The following WRAP73 variants were observed in gnomAD, a reference collection of about 807,000 sequenced individuals.
WRAP73 encodes the protein WD repeat-containing protein WRAP73.
Under a neutral mutation model 59.6 loss-of-function variants are expected in WRAP73, and 55 were observed. The ratio of observed to expected loss-of-function variants is 0.92; its 90% CI spans 0.74 to 1.15. The LOEUF (loss-of-function observed/expected upper bound fraction) is 1.15. WRAP73 is among the 50% of genes most tolerant of loss of function. The probability of loss-of-function intolerance (pLI) is 0.00; values close to 1 mark genes in which losing one functional copy is unlikely to be tolerated. For synonymous variants in WRAP73, 265 were observed against 258.2 expected (o/e 1.03, Z -0.25); for missense variants, 592 against 608.1 (o/e 0.97, Z 0.28).
chr1:3,635,109 C>A (rs781666452), intron 7 of WRAP73, 35 bp from the exon 8 acceptor site: 1 of 1,614,132 alleles, frequency 6.2e-7, no homozygotes, highest in South Asian at 1.1e-5. Context: ...TGAGGCAGGG[C>A]CCGGCCCGCT....
intron 11 of WRAP73, 155 bp downstream of exon 11, chr1:3,631,311 C>CTG (rs1491267532): frequency 1.5e-6 from 2 of 1,299,948 alleles, no homozygotes; most frequent in East Asian, 5.1e-5. Context: ...AGCGGGTCCC[C>CTG]TGTGTGTCCG....
chr1:3,632,106 T>C, intron 10 of WRAP73, 107 bp downstream of exon 10: 2 of 1,508,558 alleles, frequency 1.3e-6, no homozygotes, highest in Non-Finnish European at 1.8e-6. Flanking sequence ...TGAAAGGAGG[T>C]GACGTGTCGG....
At chr1:3,647,048 A>T (rs1389696854) in intron 2 of WRAP73, among the ~76,000 whole-genome samples, 4 of 152,128 alleles carry the variant, frequency 2.6e-5, no homozygotes, top group African/African-American at 9.7e-5. Flanking sequence ...TGGTGATTTC[A>T]TTTCGTTGTT....
chr1:3,640,824 G>A (rs927556791), intron 3 of WRAP73, among the ~76,000 whole-genome samples: 1 of 152,216 alleles, frequency 6.6e-6, no homozygotes, highest in African/African-American at 2.4e-5. Flanking sequence ...GCCACCCAGG[G>A]CAGAGACCTG....
chr1:3,634,938 A>T (rs1644574942), intron 8 of WRAP73, 59 bp downstream of exon 8: 5 of 1,576,308 alleles, frequency 3.2e-6, no homozygotes, highest in Non-Finnish European at 4.4e-6. Flanking sequence ...GTGAAGGAGC[A>T]GTTTCCCACC....
intron 10 of WRAP73, 34 bp downstream of exon 10, chr1:3,632,179 A>G (rs776339918): frequency 1.3e-6 from 2 of 1,594,472 alleles, no homozygotes; most frequent in Non-Finnish European, 1.7e-6. Context: ...GACACAGTAA[A>G]GGGTGAGACA....
chr1:3,645,783 T>G (rs966052268), intron 3 of WRAP73, among the ~76,000 whole-genome samples: 2 of 152,214 alleles, frequency 1.3e-5, no homozygotes, highest in African/African-American at 4.8e-5. Flanking sequence ...TGATTTATTC[T>G]CGGATGTCAA....
At chr1:3,631,367 C>G in intron 11 of WRAP73, 99 bp downstream of exon 11, 1 of 1,456,878 alleles carries the variant, frequency 6.9e-7, no homozygotes. Flanking sequence ...CCCTGGAGTG[C>G]TGCCGGAGAC....
In WRAP73 at chr1:3,646,613, G is replaced by A; in HGVS notation, c.339+53C>T. ...CTCTCGCACTCCCCAGCTGTTTCGA[G>A]AGCAGAGGACAGGATCACATGGCCA... On this transcript the variant is annotated intron_variant, in intron 3 of 11. Coordinates refer to ENST00000270708, the MANE Select transcript of WRAP73 (RefSeq NM_017818.4). The surrounding 1 kb of genome is among the most constrained non-coding windows in gnomAD (Gnocchi z 5.1). 2 of 1,477,310 alleles carry A rather than the reference G, an allele frequency of 1.4e-6. No homozygotes were observed. The highest frequency in any genetic ancestry group is 1.9e-6 in the Non-Finnish European group (2 of 1,076,454). The allele number at this position is 1,477,310 out of a possible 1,614,324, so 91.5% of individuals were successfully genotyped here. A position where few individuals can be genotyped will look rare whatever the true frequency, so the allele number is the denominator to read the frequency against.
intron 3 of WRAP73, among the ~76,000 whole-genome samples, chr1:3,642,359 T>G (rs1020557833): frequency 6.6e-6 from 1 of 152,146 alleles, no homozygotes; most frequent in African/African-American, 2.4e-5. Context: ...GGACCAACAG[T>G]GGACTGGAAT....
rs1194269622 is a variant in WRAP73, at chr1:3,631,608, C to G, written c.1098G>C (p.Leu366=). The change falls in exon 11 of 12, where the codon CTG becomes CTC. Residue 366 remains leucine (L), a synonymous_variant. Coordinates refer to ENST00000270708, the MANE Select transcript of WRAP73 (RefSeq NM_017818.4). ...VWVWDIQKLR[L]FAVLEQLSPV... ...GGGACAGCTGCTCGAGCACCGCGAACAGCCTCAGCTTCTGAATGTCCCAGA... is the reference window on the plus strand; with the variant it reads ...GGGACAGCTGCTCGAGCACCGCGAAGAGCCTCAGCTTCTGAATGTCCCAGA... 1 of 1,605,164 alleles carries G rather than the reference C, an allele frequency of 6.2e-7. No homozygotes were observed.
chr1:3,647,309 C>A, intron 2 of WRAP73, 99 bp downstream of exon 2: 1 of 1,312,752 alleles, frequency 7.6e-7, no homozygotes, highest in Non-Finnish European at 1.0e-6. Context: ...TTGAGCTGCA[C>A]GGACTTTTTT....
intron 3 of WRAP73, among the ~76,000 whole-genome samples, chr1:3,642,591 G>C (rs558909137): frequency 6.6e-6 from 1 of 152,186 alleles, no homozygotes; most frequent in Admixed American, 6.5e-5. Context: ...TACAAAATTA[G>C]CCAGGCGTGG....
In WRAP73 at chr1:3,631,015, A is replaced by T; in HGVS notation, c.1343T>A (p.Val448Glu). 1.9e-6 allele frequency: 3 copies of T among 1,612,424 alleles called. No individual in the cohort carries two copies. The highest frequency in any genetic ancestry group is 1.7e-6 in the Non-Finnish European group (2 of 1,179,588). Residue 448 changes from valine (V) to glutamate (E), a missense_variant, in exon 12 of 12, where the codon GTG (valine) becomes GAG (glutamate). Coordinates refer to ENST00000270708, the MANE Select transcript of WRAP73 (RefSeq NM_017818.4). ...FCLCFLETEA[V>E]VGTACRQLGG... is the part of the protein sequence containing the mutation. The stretch of plus-strand genomic sequence containing the variant: ...CAGCTGTCTGCAGGCTGTGCCGACC[A>T]CTGCCTCTGTCTCCAGGAAGCAGAG...
intron 3 of WRAP73, among the ~76,000 whole-genome samples, chr1:3,644,901 C>G (rs1428037735): frequency 6.6e-6 from 1 of 152,186 alleles, no homozygotes; most frequent in Non-Finnish European, 1.5e-5. Flanking sequence ...ATGACATGAG[C>G]CCTTCTCAAG....
At position 3,635,013 on chromosome 1, in the gene WRAP73, A is replaced by C; in HGVS notation, c.800T>G (p.Ile267Ser). Residue 267 changes from isoleucine to serine, a missense_variant, in exon 8 of 12, where the codon ATT (isoleucine) becomes AGT (serine). By Grantham distance (142) the Ile-to-Ser change is moderately radical. Coordinates refer to ENST00000270708, the MANE Select transcript of WRAP73 (RefSeq NM_017818.4). ...CAGACTTACTATCTTGGGATCATTAATGGCTGCAGGATGCCCAAACTCCGT... is the reference window on the plus strand; with the variant it reads ...CAGACTTACTATCTTGGGATCATTACTGGCTGCAGGATGCCCAAACTCCGT... Reference protein sequence around the residue: ...MITEFGHPAAINDPKIVVYKE... With the variant: ...MITEFGHPAASNDPKIVVYKE... 1 of 1,614,228 alleles carries C rather than the reference A, an allele frequency of 6.2e-7. No individual in the cohort carries two copies. Among genetic ancestry groups the C allele is most frequent in the Non-Finnish European group, 8.5e-7 (1 of 1,180,036 alleles).
At chr1:3,637,217 T>C in intron 4 of WRAP73, 119 bp from the exon 5 acceptor site, 2 of 831,516 alleles carry the variant, frequency 2.4e-6, no homozygotes, top group Non-Finnish European at 3.8e-6. Flanking sequence ...AGAAGGGAAA[T>C]GGCACAATGC....
chr1:3,650,057 G>T lies in WRAP73; in HGVS notation c.-58C>A, dbSNP rs1215237781. The stretch of plus-strand genomic sequence containing the variant: ...CCGAAAACCCGCGGGACCCCTGGGC[G>T]CGCAGCAGGCTGCAACAGCCGACGC... On this transcript the variant is annotated 5_prime_UTR_variant, in exon 1 of 12. Coordinates refer to ENST00000270708, the MANE Select transcript of WRAP73 (RefSeq NM_017818.4). 8 of 1,482,750 alleles carry T rather than the reference G, an allele frequency of 5.4e-6. No individual in the cohort carries two copies. Among genetic ancestry groups the T allele is most frequent in the African/African-American group, 4.4e-5 (3 of 68,330 alleles). The allele number at this position is 1,482,750 out of a possible 1,614,324, so 91.8% of individuals were successfully genotyped here. A position where few individuals can be genotyped will look rare whatever the true frequency, so the allele number is the denominator to read the frequency against.
At chr1:3,640,152 G>A (rs935030284) in intron 3 of WRAP73, among the ~76,000 whole-genome samples, 1 of 152,216 alleles carries the variant, frequency 6.6e-6, no homozygotes, top group African/African-American at 2.4e-5. Context: ...GTGGCAGCAC[G>A]GAAGGGCTCC....
Sources: allele counts gnomAD v4.1 joint callset (sites outside exome capture counted in the v4.1 genomes callset), GRCh38; gene constraint gnomAD v4.1.1; non-coding constraint Gnocchi (gnomAD v3.1); transcripts MANE v1.5; gene names NCBI Gene and HGNC (gene_info 2026-07-23, HGNC 2026-07-21).